The following SLC10A7 variants were observed in gnomAD, a reference collection of about 807,000 sequenced individuals.
SLC10A7 encodes sodium/bile acid cotransporter 7.
Under a neutral mutation model 43.2 loss-of-function variants are expected in SLC10A7, and 29 were observed. The observed-to-expected ratio is 0.67, with a 90% confidence interval of 0.50 to 0.92. SLC10A7 has a LOEUF of 0.92. SLC10A7 is among the 40% of genes least tolerant of loss of function. SLC10A7 has a pLI of 0.00. For synonymous variants in SLC10A7, 152 were observed against 144.8 expected (o/e 1.05, Z -0.35); for missense variants, 295 against 403.2 (o/e 0.73, Z 2.30).
At chr4:146,447,427 G>C (rs1474247778) in intron 4 of SLC10A7, among the ~76,000 whole-genome samples, 1 of 152,022 alleles carries the variant, frequency 6.6e-6, no homozygotes, top group Non-Finnish European at 1.5e-5. Context: ...AAATATAGCA[G>C]TTCTTTTGTT....
intron 1 of SLC10A7, 79 bp from the exon 2 acceptor site, chr4:146,517,199 A>G: frequency 8.3e-7 from 1 of 1,204,230 alleles, no homozygotes; most frequent in South Asian, 1.4e-5. Flanking sequence ...CTATTTGTTC[A>G]CACCTGTAAT....
chr4:146,444,761 C>T (rs1730896356), intron 4 of SLC10A7, among the ~76,000 whole-genome samples: 1 of 152,178 alleles, frequency 6.6e-6, no homozygotes, highest in Non-Finnish European at 1.5e-5. Context: ...GTCAGCTATA[C>T]TGTCCTCCTG....
intron 10 of SLC10A7, among the ~76,000 whole-genome samples, chr4:146,282,860 T>C (rs1729635559): frequency 6.6e-6 from 1 of 152,180 alleles, no homozygotes; most frequent in Non-Finnish European, 1.5e-5. Flanking sequence ...CAAAGCAATG[T>C]TTTTGCCAAT....
chr4:146,291,206 G>A (rs1260100004), intron 9 of SLC10A7, among the ~76,000 whole-genome samples: 1 of 152,200 alleles, frequency 6.6e-6, no homozygotes, highest in Non-Finnish European at 1.5e-5. Context: ...AAAGGCAAAT[G>A]TCTTTTCTAA....
intron 4 of SLC10A7, among the ~76,000 whole-genome samples, chr4:146,491,300 G>C (rs1010520756): frequency 2.0e-5 from 3 of 152,172 alleles, no homozygotes; most frequent in Non-Finnish European, 4.4e-5. Context: ...CAAAACAACT[G>C]TCTGCAAGTA....
intron 1 of SLC10A7, among the ~76,000 whole-genome samples, chr4:146,520,889 C>G (rs902563418): frequency 6.6e-6 from 1 of 152,170 alleles, no homozygotes; most frequent in Non-Finnish European, 1.5e-5. Context: ...TGCCCATCAT[C>G]TCCTGTACAA....
At chr4:146,465,688 T>C (rs185593424) in intron 4 of SLC10A7, among the ~76,000 whole-genome samples, 101 of 152,208 alleles carry the variant, frequency 6.6e-4, no homozygotes, top group Admixed American at 2.2e-3. Flanking sequence ...AAATACCCCC[T>C]TGGCAAGGAG....
chr4:146,283,079 T>C lies in SLC10A7; in HGVS notation c.847+113A>G, dbSNP rs973734142. ...CACTTTGCTACTGTTCCTTATCTAA[T>C]AGTGTGGACAACACCCCATTCCATT... On this transcript the variant is annotated intron_variant, in intron 10 of 11. Coordinates refer to ENST00000335472, the MANE Select transcript of SLC10A7 (RefSeq NM_001029998.6). 7 of 779,118 alleles carry C rather than the reference T, an allele frequency of 9.0e-6. No homozygotes were observed. The African/African-American group carries it at 1.0e-4, about 12-fold the overall frequency. The allele number at this position is 779,118 out of a possible 1,614,324, so 48.3% of individuals were successfully genotyped here.
chr4:146,416,857 G>C (rs1287763493), intron 5 of SLC10A7, among the ~76,000 whole-genome samples: 1 of 151,926 alleles, frequency 6.6e-6, no homozygotes, highest in Non-Finnish European at 1.5e-5. Flanking sequence ...TTTGTACTTT[G>C]AGTTATCTCT....
chr4:146,452,908 G>A (rs13149918), intron 4 of SLC10A7, among the ~76,000 whole-genome samples: 122,936 of 151,888 alleles, frequency 0.81, 50,310 homozygotes, highest in South Asian at 0.91. Flanking sequence ...TAATACTGCT[G>A]CAAAGCATTC....
At chr4:146,326,058 C>T in intron 5 of SLC10A7, 62 bp from the exon 6 acceptor site, 1 of 1,468,310 alleles carries the variant, frequency 6.8e-7, no homozygotes, top group South Asian at 1.2e-5. Flanking sequence ...ACTTTCTTTG[C>T]CATTTTAAAC....
intron 5 of SLC10A7, among the ~76,000 whole-genome samples, chr4:146,361,964 T>A (rs1048711479): frequency 1.3e-5 from 2 of 151,950 alleles, no homozygotes; most frequent in African/African-American, 4.8e-5. Context: ...AATGTATCAG[T>A]CTCTCAACAG....
chr4:146,341,369 AC>A (rs893696061), intron 5 of SLC10A7, among the ~76,000 whole-genome samples: 1 of 151,372 alleles, frequency 6.6e-6, no homozygotes, highest in Non-Finnish European at 1.5e-5. Context: ...GCAAAACCAA[AC>A]CCCCCCAAAA....
At chr4:146,365,479 C>T (rs1035044571) in intron 5 of SLC10A7, among the ~76,000 whole-genome samples, 1 of 152,140 alleles carries the variant, frequency 6.6e-6, no homozygotes, top group Admixed American at 6.5e-5. Context: ...ACTTAAAGCA[C>T]AGTTAACTGC....
chr4:146,345,593 T>A (rs1157228526), intron 5 of SLC10A7, among the ~76,000 whole-genome samples: 2 of 152,124 alleles, frequency 1.3e-5, no homozygotes, highest in East Asian at 3.9e-4. Flanking sequence ...CCATTATAGA[T>A]TCCCCCTAAA....
rs527285038 is a variant in SLC10A7 at position 146,290,135 on chromosome 4, T to C, written c.773+2794A>G. ...GTCAGGAGATCCAGACCATCCTGGC[T>C]AACATGCTGAAACCCCATCTCTACT... On this transcript the variant is annotated intron_variant, in intron 9 of 11. Transcript: ENST00000335472. Among the ~76,000 whole-genome samples the C allele has an allele frequency of 1.9e-3, 292 of 150,600 alleles. 1 individual carries two copies. Among genetic ancestry groups the C allele is most frequent in the South Asian group, 0.013 (62 of 4,730 alleles).
chr4:146,257,976 A>G (rs931409410), intron 11 of SLC10A7, among the ~76,000 whole-genome samples: 7 of 152,202 alleles, frequency 4.6e-5, no homozygotes, highest in African/African-American at 1.7e-4. Context: ...AACAGTCACT[A>G]CTTTGTGAAT....
At chr4:146,514,987 G>A (rs147506053) in intron 2 of SLC10A7, 75 of 601,938 alleles carry the variant, frequency 1.2e-4, no homozygotes, top group African/African-American at 1.1e-3. Context: ...ACGAGATCAC[G>A]GCATTTCATT....
At chr4:146,464,808 C>T (rs1022182696) in intron 4 of SLC10A7, among the ~76,000 whole-genome samples, 7 of 152,002 alleles carry the variant, frequency 4.6e-5, no homozygotes, top group African/African-American at 7.2e-5. Flanking sequence ...AAATAGATGA[C>T]GGTTTAAATA....
Sources: gnomAD v4.1 joint callset for allele counts (sites outside exome capture counted in the v4.1 genomes callset) on GRCh38, gnomAD v4.1.1 for gene constraint, MANE v1.5 for transcripts, NCBI Gene and HGNC (gene_info 2026-07-23, HGNC 2026-07-21) for gene names.